ANKS1B: variants seen among roughly 807,000 people sequenced by gnomAD.
The protein encoded by ANKS1B is ankyrin repeat and sterile alpha motif domain-containing protein 1B.
A neutral mutation model predicts 148.3 loss-of-function variants in ANKS1B; 36 were observed. That is an observed-to-expected ratio of 0.24 (90% CI 0.19 to 0.32). The LOEUF (loss-of-function observed/expected upper bound fraction) is 0.32. Ranked by LOEUF, ANKS1B falls within the 10% of genes least tolerant of loss-of-function variation. ANKS1B has a pLI of 1.00. For synonymous variants in ANKS1B, 542 were observed against 560.8 expected (o/e 0.97, Z 0.47); for missense variants, 1,157 against 1,542.6 (o/e 0.75, Z 4.19).
At chr12:99,346,243 T>C (rs1487596748) in intron 12 of ANKS1B, among the ~76,000 whole-genome samples, 1 of 151,956 alleles carries the variant, frequency 6.6e-6, no homozygotes, top group African/African-American at 2.4e-5. Flanking sequence ...GATTTCTACA[T>C]TTTGACTCAC....
intron 11 of ANKS1B, among the ~76,000 whole-genome samples, chr12:99,424,851 C>T (rs571148947): frequency 6.6e-6 from 1 of 152,002 alleles, no homozygotes; most frequent in African/African-American, 2.4e-5. Context: ...GGAGTATGTG[C>T]CTGTAACAAT....
chr12:99,482,322 A>T lies in ANKS1B; in HGVS notation c.1438+22154T>A, dbSNP rs566905837. On this transcript the variant is annotated intron_variant, in intron 10 of 26. Coordinates refer to ENST00000683438, the MANE Select transcript of ANKS1B (RefSeq NM_001352186.2). Reference sequence around the variant, plus strand: ...AATTTATGTATTTGTCTGCTTTGTCAAAATCACTTGGCTGTATGTATTTGG... The same window carrying T: ...AATTTATGTATTTGTCTGCTTTGTCTAAATCACTTGGCTGTATGTATTTGG... Among the ~76,000 whole-genome samples the T allele has an allele frequency of 3.1e-4, 47 of 152,138 alleles. 1 individual carries two copies. The South Asian group carries it at 6.4e-3, about 21-fold the overall frequency.
downstream of ANKS1B, among the ~76,000 whole-genome samples, chr12:98,739,778 A>C (rs943266274): frequency 1.3e-5 from 2 of 152,174 alleles, no homozygotes; most frequent in African/African-American, 2.4e-5. Flanking sequence ...AGAATCTGAT[A>C]TAGATCTCAA....
intron 17 of ANKS1B, among the ~76,000 whole-genome samples, chr12:98,924,259 T>C (rs1597020704): frequency 6.6e-6 from 1 of 152,232 alleles, no homozygotes; most frequent in African/African-American, 2.4e-5. Flanking sequence ...CTTGCTAAGT[T>C]ACTACTTTTT....
At chr12:98,976,781 T>TATTC (rs1338774980) in intron 17 of ANKS1B, 8 of 152,236 alleles carry the variant, frequency 5.3e-5, no homozygotes, top group Non-Finnish European at 1.2e-4. Flanking sequence ...TGCTAAGTCT[T>TATTC]ATTCATTTCA....
At chr12:99,232,163 C>T (rs1364297725) in intron 14 of ANKS1B, among the ~76,000 whole-genome samples, 1 of 152,122 alleles carries the variant, frequency 6.6e-6, no homozygotes, top group African/African-American at 2.4e-5. Context: ...TATGCTTTAT[C>T]TATCCAATAT....
At chr12:99,332,623 T>C (rs2087799022) in intron 12 of ANKS1B, among the ~76,000 whole-genome samples, 1 of 150,806 alleles carries the variant, frequency 6.6e-6, no homozygotes, top group Non-Finnish European at 1.5e-5. Flanking sequence ...ATTGGAGACA[T>C]ATAAGGAAGG....
intron 11 of ANKS1B, among the ~76,000 whole-genome samples, chr12:99,428,168 T>C (rs1343723226): frequency 6.6e-6 from 1 of 152,196 alleles, no homozygotes; most frequent in Non-Finnish European, 1.5e-5. Flanking sequence ...GGTATCCTCC[T>C]ACTGGCAGTG....
intron 1 of ANKS1B, among the ~76,000 whole-genome samples, chr12:99,905,656 C>T (rs1369652377): frequency 7.2e-5 from 11 of 152,138 alleles, no homozygotes; most frequent in Non-Finnish European, 1.5e-5. Context: ...TCAAAGCATT[C>T]GAGTGGTTAG....
intron 12 of ANKS1B, among the ~76,000 whole-genome samples, chr12:99,267,887 A>G (rs2076611319): frequency 6.6e-6 from 1 of 152,240 alleles, no homozygotes; most frequent in Non-Finnish European, 1.5e-5. Flanking sequence ...AGACGGCACA[A>G]GAAAACTGAG....
At chr12:99,973,474 G>A (rs946070453) in intron 1 of ANKS1B, among the ~76,000 whole-genome samples, 23 of 152,202 alleles carry the variant, frequency 1.5e-4, no homozygotes, top group Non-Finnish European at 3.1e-4. Context: ...CAGCTACACA[G>A]GAGGCTGAAA....
At chr12:99,789,273 G>A (rs1255742109) in intron 4 of ANKS1B, among the ~76,000 whole-genome samples, 1 of 152,164 alleles carries the variant, frequency 6.6e-6, no homozygotes, top group Non-Finnish European at 1.5e-5. Context: ...ATACCTCTAT[G>A]AGTCTGCAAA....
chr12:99,081,484 A>G (rs35678478), intron 16 of ANKS1B, among the ~76,000 whole-genome samples: 2,571 of 152,322 alleles, frequency 0.017, 75 homozygotes, highest in African/African-American at 0.058. Flanking sequence ...TGGCAATAAA[A>G]TGACACTATT....
In ANKS1B at chr12:99,812,309, T is replaced by C. The variant is rs2068468282; in HGVS notation, c.218A>G (p.Asp73Gly). The C allele has an allele frequency of 6.2e-7, 1 of 1,609,072 alleles. No individual in the cohort carries two copies. Among genetic ancestry groups the C allele is most frequent in the African/African-American group, 1.3e-5 (1 of 74,482 alleles). ...LHHAALNGHK[D>G]IVLKLLQYEA... ...ATACTGAAGTAGTTTGAGAACTATG[T>C]CCCTAAAAAGGAAAAAACAACAACA... is the stretch of plus-strand genomic sequence containing the variant. Residue 73 changes from aspartate (D) to glycine (G), a missense_variant and splice_region_variant, in exon 3 of 27, where the codon GAC (aspartate) becomes GGC (glycine). Asp to Gly is a moderately conservative substitution (Grantham distance 94). This residue lies in a region of ANKS1B where 164 missense variants were observed against 232.6 expected (regional missense o/e 0.71). Transcript: ENST00000683438.
At chr12:98,933,850 T>G (rs1234842978) in intron 17 of ANKS1B, among the ~76,000 whole-genome samples, 3 of 151,440 alleles carry the variant, frequency 2.0e-5, no homozygotes, top group Admixed American at 2.0e-4. Context: ...TGTTACTAGG[T>G]TTTTTTTTCT....
chr12:99,543,807 T>C (rs542669162), intron 9 of ANKS1B, among the ~76,000 whole-genome samples: 13 of 152,054 alleles, frequency 8.5e-5, no homozygotes, highest in African/African-American at 2.9e-4. Context: ...AATAGACAAA[T>C]TGATAAAGGT....
At chr12:99,046,829 A>T (rs1455811960) in intron 17 of ANKS1B, among the ~76,000 whole-genome samples, 1 of 148,458 alleles carries the variant, frequency 6.7e-6, no homozygotes, top group Admixed American at 6.7e-5. Context: ...AAAAAAAAAG[A>T]AAAAGAAAGA....
intron 17 of ANKS1B, among the ~76,000 whole-genome samples, chr12:99,008,897 G>T (rs1320310233): frequency 6.6e-6 from 1 of 152,082 alleles, no homozygotes; most frequent in African/African-American, 2.4e-5. Flanking sequence ...TCAAGTTCAG[G>T]GTGGCAGGGT....
chr12:99,749,362 A>G (rs971645420), intron 8 of ANKS1B, among the ~76,000 whole-genome samples: 1 of 152,096 alleles, frequency 6.6e-6, no homozygotes, highest in African/African-American at 2.4e-5. Flanking sequence ...TTGCCACCAT[A>G]TGGGAAAAGC....
Sources: gnomAD v4.1 joint callset for allele counts (sites outside exome capture counted in the v4.1 genomes callset) on GRCh38, gnomAD v4.1.1 for gene constraint, gnomAD v4.1.1 regional missense constraint, MANE v1.5 for transcripts, NCBI Gene and HGNC (gene_info 2026-07-23, HGNC 2026-07-21) for gene names.